The following JAKMIP3 variants were observed in gnomAD, a reference collection of about 807,000 sequenced individuals.
JAKMIP3 encodes the protein janus kinase and microtubule-interacting protein 3.
JAKMIP3 carries 58 observed loss-of-function variants against 118.5 expected under a neutral mutation model. The ratio of observed to expected loss-of-function variants is 0.49; its 90% confidence interval spans 0.40 to 0.61. The LOEUF (loss-of-function observed/expected upper bound fraction) is 0.61. Among genes scored for constraint, JAKMIP3 ranks in the 20% least tolerant of loss-of-function variants. JAKMIP3 has a pLI of 0.00. For synonymous variants in JAKMIP3, 486 were observed against 451.2 expected (o/e 1.08, Z -0.98); for missense variants, 950 against 1,109.0 (o/e 0.86, Z 2.04).
At chr10:132,109,805 C>G (rs543119747) in intron 2 of JAKMIP3, among the ~76,000 whole-genome samples, 10 of 152,154 alleles carry the variant, frequency 6.6e-5, no homozygotes, top group Non-Finnish European at 1.3e-4. Context: ...CTTGCAGCTC[C>G]GCAGCTCACA....
At chr10:132,159,831 C>CCCTGTGTGATGCTGGGGGGCCTCTT (rs2057798771) in intron 19 of JAKMIP3, among the ~76,000 whole-genome samples, 2 of 42,098 alleles carry the variant, frequency 4.8e-5, no homozygotes, top group Non-Finnish European at 7.6e-5. Context: ...GGGGGCCTCT[C>CCCTGTGTGATGCTGGGGGGCCTCTT]CCTGTGTGAT....
In JAKMIP3 at chr10:132,109,114, A is replaced by T. The variant is rs1049417626; in HGVS notation, c.135+4171A>T. On this transcript the variant is annotated intron_variant, in intron 2 of 23. Transcript: ENST00000684848. ...CACACATATATATATACACACACAC[A>T]TATATATATACACACACACATATAT... Among the ~76,000 whole-genome samples, 60 of 143,552 alleles carry T rather than the reference A, an allele frequency of 4.2e-4. 3 individuals are homozygous for T. Among genetic ancestry groups the T allele is most frequent in the Non-Finnish European group, 1.6e-4 (11 of 67,288 alleles). 94.2% of individuals were successfully genotyped at this position (143,552 alleles called of 152,430 possible).
In JAKMIP3 at chr10:132,168,389, C is replaced by A; in HGVS notation, c.*459C>A. ...ATTTTCAGAAACAACAGAGGCTTGG[C>A]CTGATGACAAGATGAAAGCTGGACG... is the stretch of plus-strand genomic sequence containing the variant. On this transcript the variant is annotated 3_prime_UTR_variant, in exon 23 of 24. Transcript: ENST00000684848. 1 of 1,289,494 alleles carries A rather than the reference C, an allele frequency of 7.8e-7. No individual in the cohort carries two copies. Among genetic ancestry groups the A allele is most frequent in the Non-Finnish European group, 1.0e-6 (1 of 988,770 alleles). 79.9% of individuals were successfully genotyped at this position (1,289,494 alleles called of 1,614,324 possible). A position where few individuals can be genotyped will look rare whatever the true frequency, so the allele number is the denominator to read the frequency against.
Position 132,079,170 on chromosome 10 carries a change from C to T in JAKMIP3, c.-138+13109C>T, listed in dbSNP as rs988711957. Among the ~76,000 whole-genome samples, 12 of 84,128 alleles carry T rather than the reference C, an allele frequency of 1.4e-4. No homozygotes were observed. In the East Asian group the frequency reaches 7.6e-3, roughly 53 times the overall value. 55.2% of individuals were successfully genotyped at this position (84,128 alleles called of 152,430 possible). On this transcript the variant is annotated intron_variant, in intron 1 of 23. Coordinates refer to ENST00000684848, the MANE Select transcript of JAKMIP3 (RefSeq NM_001323087.2). ...GGGAGCGGACGGCCCAGCCCCACAG[C>T]GCTGGGGTCTGTGGACCCCGGTAGC...
At chr10:132,045,661 GCTCATGC>G (rs2037885914) in intron 1 of JAKMIP3, among the ~76,000 whole-genome samples, 1 of 152,152 alleles carries the variant, frequency 6.6e-6, no homozygotes, top group African/African-American at 2.4e-5. Flanking sequence ...GGACACAGTG[GCTCATGC>G]CTATAATCCC....
intron 1 of JAKMIP3, among the ~76,000 whole-genome samples, chr10:132,042,186 C>CG (rs1399833592): frequency 4.8e-5 from 7 of 145,430 alleles, no homozygotes; most frequent in African/African-American, 1.8e-4. Flanking sequence ...CTCGCTCGCT[C>CG]CTTCCTTCCT....
At chr10:132,105,587 A>C (rs1358297868) in intron 2 of JAKMIP3, among the ~76,000 whole-genome samples, 1 of 152,160 alleles carries the variant, frequency 6.6e-6, no homozygotes, top group Non-Finnish European at 1.5e-5. Flanking sequence ...AAGACAAGAC[A>C]AGCCCTGGGG....
intron 8 of JAKMIP3, 106 bp from the exon 9 acceptor site, chr10:132,138,012 AC>A (rs1323707919): frequency 9.4e-7 from 1 of 1,065,932 alleles, no homozygotes; most frequent in Non-Finnish European, 1.4e-6. Context: ...CAGCCCAGAC[AC>A]CGTCTTCCCT....
intron 19 of JAKMIP3, among the ~76,000 whole-genome samples, chr10:132,154,211 C>T (rs1374200783): frequency 1.3e-5 from 2 of 152,222 alleles, no homozygotes; most frequent in Non-Finnish European, 2.9e-5. Flanking sequence ...GTTGAGGAGG[C>T]CTAAACCCAC....
At chr10:132,086,622 G>A (rs953159768) in intron 1 of JAKMIP3, among the ~76,000 whole-genome samples, 1 of 152,042 alleles carries the variant, frequency 6.6e-6, no homozygotes, top group African/African-American at 2.4e-5. Context: ...GTCCCTCTTT[G>A]CCTTTTTAAT....
At chr10:132,141,626 G>A (rs1372686366) in intron 10 of JAKMIP3, among the ~76,000 whole-genome samples, 1 of 152,034 alleles carries the variant, frequency 6.6e-6, no homozygotes, top group Admixed American at 6.5e-5. Flanking sequence ...CCTGGCCATG[G>A]CCACCAGCCC....
At chr10:132,180,740 TGCGTGCGCGC>T (rs1424159837) in intron 23 of JAKMIP3, among the ~76,000 whole-genome samples, 3 of 5,136 alleles carry the variant, frequency 5.8e-4, no homozygotes, top group Admixed American at 2.7e-3. Context: ...CGTGTGTGCG[TGCGTGCGCGC>T]GCGTGTGTGC....
chr10:132,083,544 C>T (rs1589772257), intron 1 of JAKMIP3, among the ~76,000 whole-genome samples: 2 of 152,198 alleles, frequency 1.3e-5, no homozygotes, highest in East Asian at 3.8e-4. Context: ...AATTAAGTCA[C>T]AGCTATTTAT....
chr10:132,152,911 C>G (rs376403047), intron 16 of JAKMIP3, 47 bp from the exon 17 acceptor site: 2 of 1,486,826 alleles, frequency 1.3e-6, no homozygotes, highest in Admixed American at 1.9e-5. Context: ...CCCTCACCCC[C>G]AAAGGCACTG....
chr10:132,056,959 G>A (rs2038254091), intron 1 of JAKMIP3, among the ~76,000 whole-genome samples: 1 of 152,158 alleles, frequency 6.6e-6, no homozygotes. Context: ...TCCTGCCCTG[G>A]GGTCCGGATT....
chr10:132,171,585 T>C (rs2081777749), intron 23 of JAKMIP3, among the ~76,000 whole-genome samples: 1 of 152,172 alleles, frequency 6.6e-6, no homozygotes, highest in South Asian at 2.1e-4. Flanking sequence ...GTTGCACAAA[T>C]TGTGTAGAGA....
At chr10:132,089,605 G>T (rs1448782734) in intron 1 of JAKMIP3, among the ~76,000 whole-genome samples, 2 of 152,116 alleles carry the variant, frequency 1.3e-5, no homozygotes, top group African/African-American at 2.4e-5. Flanking sequence ...AAGGAGATTT[G>T]GGGCTGAGAC....
rs180866243 is a variant in JAKMIP3, at chr10:132,065,969, G to A, written c.-230G>A. 2.8e-4 allele frequency among the ~76,000 whole-genome samples: 43 copies of A among 152,304 alleles called. No individual in the cohort carries two copies. The highest frequency in any genetic ancestry group is 2.7e-3 in the Admixed American group (41 of 15,298). On this transcript the variant is annotated 5_prime_UTR_variant, in exon 1 of 24. Coordinates refer to ENST00000684848, the MANE Select transcript of JAKMIP3 (RefSeq NM_001323087.2). The surrounding 1 kb of genome is among the most constrained non-coding windows in gnomAD (Gnocchi z 5.6). Reference sequence around the variant, plus strand: ...TCATAGAAGCTCGGAGCTGATTTGCGCAAAAGCCGGACTGAGTCTTGGACG... The same window carrying A: ...TCATAGAAGCTCGGAGCTGATTTGCACAAAAGCCGGACTGAGTCTTGGACG...
At chr10:132,163,463 C>A in intron 20 of JAKMIP3, 51 bp downstream of exon 20, 2 of 1,509,876 alleles carry the variant, frequency 1.3e-6, no homozygotes, top group Non-Finnish European at 1.8e-6. Context: ...CCAGGACCTG[C>A]ACAGAGCCAG....
Sources: allele counts gnomAD v4.1 joint callset (sites outside exome capture counted in the v4.1 genomes callset), GRCh38; gene constraint gnomAD v4.1.1; non-coding constraint Gnocchi (gnomAD v3.1); transcripts MANE v1.5; gene names NCBI Gene and HGNC (gene_info 2026-07-23, HGNC 2026-07-21).